RPS6KA5: variants seen among roughly 807,000 people sequenced by gnomAD.
The protein encoded by RPS6KA5 is ribosomal protein S6 kinase alpha-5.
Under a neutral mutation model 85.5 loss-of-function variants are expected in RPS6KA5, and 27 were observed. The observed-to-expected ratio is 0.32, with a 90% CI of 0.23 to 0.44. RPS6KA5 has a LOEUF of 0.44. Among genes scored for constraint, RPS6KA5 ranks in the 20% least tolerant of loss-of-function variants. RPS6KA5 has a pLI of 1.00. For synonymous variants in RPS6KA5, 334 were observed against 348.2 expected, an observed-to-expected ratio of 0.96 and a Z score of 0.46; for missense variants, 811 against 980.9, an observed-to-expected ratio of 0.83 and a Z score of 2.31.
chr14:90,914,900 A>C (rs2036030384), intron 7 of RPS6KA5, among the ~76,000 whole-genome samples: 1 of 151,936 alleles, frequency 6.6e-6, no homozygotes, highest in African/African-American at 2.4e-5. Context: ...TACTGTGACA[A>C]ACTTTAAAAA....
At chr14:90,959,385 T>A (rs375937730) in intron 3 of RPS6KA5, among the ~76,000 whole-genome samples, 19 of 152,316 alleles carry the variant, frequency 1.2e-4, no homozygotes, top group African/African-American at 4.6e-4. Flanking sequence ...CTGGCTACTG[T>A]ATTGAGAATA....
chr14:91,042,744 C>A (rs796974772), intron 1 of RPS6KA5, among the ~76,000 whole-genome samples: 1 of 137,812 alleles, frequency 7.3e-6, no homozygotes, highest in Admixed American at 7.4e-5. Flanking sequence ...GACCTCCTAA[C>A]CCCCCAGGTG....
At chr14:90,933,053 G>A (rs890386065) in intron 5 of RPS6KA5, among the ~76,000 whole-genome samples, 3 of 152,146 alleles carry the variant, frequency 2.0e-5, no homozygotes, top group African/African-American at 7.2e-5. Context: ...TAAGGCTACT[G>A]CTATTCTCTT....
At chr14:90,969,983 C>T (rs2039247197) in intron 3 of RPS6KA5, among the ~76,000 whole-genome samples, 1 of 152,080 alleles carries the variant, frequency 6.6e-6, no homozygotes, top group African/African-American at 2.4e-5. Flanking sequence ...TTTCTACCTA[C>T]TCTTTCTCCT....
chr14:91,053,549 T>A (rs959266340), intron 1 of RPS6KA5, among the ~76,000 whole-genome samples: 1 of 152,174 alleles, frequency 6.6e-6, no homozygotes, highest in Non-Finnish European at 1.5e-5. Flanking sequence ...ACTCTTGGAA[T>A]GAACAATCCA....
At position 90,869,437 on chromosome 14, in the gene RPS6KA5, T is replaced by G. The variant is rs904827690; in HGVS notation, c.*2637A>C. On this transcript the variant is annotated 3_prime_UTR_variant, in exon 17 of 17. Coordinates refer to ENST00000614987, the MANE Select transcript of RPS6KA5 (RefSeq NM_004755.4). The stretch of plus-strand genomic sequence containing the variant: ...TCCTCTATTATCTTCCTTTTCTTAT[T>G]CTTGCCTCTCAATTTGTCATATACA... 2 of 152,180 alleles carry G rather than the reference T, an allele frequency of 1.3e-5. No homozygotes were observed. Among genetic ancestry groups the G allele is most frequent in the Non-Finnish European group, 1.5e-5 (1 of 68,038 alleles). The allele number at this position is 152,180 out of a possible 1,614,324, so 9.4% of individuals were successfully genotyped here.
Position 91,001,168 on chromosome 14 carries a change from A to G in RPS6KA5, c.104-9T>C, listed in dbSNP as rs999303188. ...ATGTCCTGTCAAATTAGCTAAAAGA[A>G]AAAAAGAGGAAAAAAAAAACAAGAG... is the stretch of plus-strand genomic sequence containing the variant. On this transcript the variant is annotated splice_polypyrimidine_tract_variant and intron_variant, in intron 1 of 16. Coordinates refer to ENST00000614987, the MANE Select transcript of RPS6KA5 (RefSeq NM_004755.4). 1 of 1,570,194 alleles carries G rather than the reference A, an allele frequency of 6.4e-7. No individual in the cohort carries two copies. The highest frequency in any genetic ancestry group is 8.7e-7 in the Non-Finnish European group (1 of 1,152,856).
intron 1 of RPS6KA5, among the ~76,000 whole-genome samples, chr14:91,046,258 A>C (rs753632821): frequency 7.9e-5 from 12 of 152,234 alleles, no homozygotes; most frequent in Non-Finnish European, 1.2e-4. Flanking sequence ...GACACACAGT[A>C]GGAATTCAAT....
chr14:90,851,064 G>A lies in RPS6KA5; in HGVS notation c.*21010C>T, dbSNP rs1297589915. ...TATTTTATTTTTTTTTTGAGACAGA[G>A]TCTCACTCTGCCCCCCAGGCTGGAG... On this transcript the variant is annotated 3_prime_UTR_variant, in exon 17 of 17. Transcript: ENST00000614987. 2 of 151,830 alleles carry A rather than the reference G, an allele frequency of 1.3e-5. No homozygotes were observed. Among genetic ancestry groups the A allele is most frequent in the Non-Finnish European group, 2.9e-5 (2 of 68,006 alleles). The allele number at this position is 151,830 out of a possible 1,614,324, so 9.4% of individuals were successfully genotyped here.
chr14:91,054,865 C>G (rs1046897629), intron 1 of RPS6KA5, among the ~76,000 whole-genome samples: 38 of 151,918 alleles, frequency 2.5e-4, no homozygotes, highest in African/African-American at 8.7e-4. Flanking sequence ...GAAAAGACAG[C>G]TCATTTATGG....
intron 1 of RPS6KA5, among the ~76,000 whole-genome samples, chr14:91,011,525 T>C (rs1261505279): frequency 1.3e-5 from 2 of 152,080 alleles, no homozygotes; most frequent in African/African-American, 4.8e-5. Flanking sequence ...AATTCTAAAT[T>C]GGGCAATGTG....
intron 5 of RPS6KA5, among the ~76,000 whole-genome samples, chr14:90,941,086 G>C (rs904966965): frequency 2.0e-5 from 3 of 152,150 alleles, no homozygotes; most frequent in Non-Finnish European, 4.4e-5. Context: ...TATGCAGGGG[G>C]AGTTTTACAC....
chr14:90,942,592 T>C (rs1011218333), intron 5 of RPS6KA5, among the ~76,000 whole-genome samples: 1 of 152,238 alleles, frequency 6.6e-6, no homozygotes, highest in African/African-American at 2.4e-5. Context: ...TTTTAATTCA[T>C]GTTGAGCAAA....
chr14:90,997,027 C>T (rs140965945), intron 2 of RPS6KA5, among the ~76,000 whole-genome samples: 2 of 152,254 alleles, frequency 1.3e-5, no homozygotes, highest in African/African-American at 4.8e-5. Context: ...TGCCAAGACA[C>T]TATGAACTCT....
intron 14 of RPS6KA5, among the ~76,000 whole-genome samples, chr14:90,879,781 ATTTT>A (rs10609342): frequency 6.2e-5 from 8 of 128,958 alleles, no homozygotes; most frequent in African/African-American, 9.1e-5. Flanking sequence ...TCCACTCCTA[ATTTT>A]TTTTTTTTTT....
chr14:90,890,340 A>G, intron 14 of RPS6KA5, 147 bp downstream of exon 14: 2 of 501,452 alleles, frequency 4.0e-6, no homozygotes, highest in Non-Finnish European at 7.0e-6. Flanking sequence ...GGGAAATACT[A>G]TTCAGTCAGG....
intron 3 of RPS6KA5, among the ~76,000 whole-genome samples, chr14:90,952,184 A>G (rs1227104112): frequency 7.2e-5 from 11 of 152,216 alleles, no homozygotes; most frequent in Admixed American, 6.5e-5. Context: ...CTCTTCCTAT[A>G]TAGAGTTGTG....
At chr14:90,919,294 C>T (rs540962374) in intron 7 of RPS6KA5, among the ~76,000 whole-genome samples, 58 of 152,266 alleles carry the variant, frequency 3.8e-4, no homozygotes, top group Middle Eastern at 6.8e-3. Context: ...TTTATTTTTC[C>T]GCCTCTCAAA....
At chr14:90,894,268 C>G in intron 13 of RPS6KA5, 145 bp downstream of exon 13, 1 of 1,262,838 alleles carries the variant, frequency 7.9e-7, no homozygotes, top group Non-Finnish European at 1.0e-6. Flanking sequence ...GAAAAAACAT[C>G]AAAGAAACGT....
Sources: gnomAD v4.1 joint callset for allele counts (sites outside exome capture counted in the v4.1 genomes callset) on GRCh38, gnomAD v4.1.1 for gene constraint, MANE v1.5 for transcripts, NCBI Gene and HGNC (gene_info 2026-07-23, HGNC 2026-07-21) for gene names.